Variants in PLEK observed in about 807,000 individuals in gnomAD.
The protein encoded by PLEK is platelet 47 kDa protein.
PLEK carries 25 observed loss-of-function variants against 43.9 expected under a neutral mutation model. The ratio of observed to expected loss-of-function variants is 0.57; its 90% CI spans 0.41 to 0.79. PLEK has a LOEUF of 0.79. PLEK is among the 30% of genes least tolerant of loss of function. PLEK has a pLI of 0.00. For synonymous variants in PLEK, 152 were observed against 144.4 expected (o/e 1.05, Z -0.38); for missense variants, 396 against 413.3 (o/e 0.96, Z 0.36).
At chr2:68,381,731 A>G (rs1337590926) in intron 3 of PLEK, among the ~76,000 whole-genome samples, 3 of 152,206 alleles carry the variant, frequency 2.0e-5, no homozygotes, top group Admixed American at 6.5e-5. Flanking sequence ...AAGACTTGGC[A>G]TGGCACAGGA....
intron 4 of PLEK, among the ~76,000 whole-genome samples, chr2:68,384,414 G>C (rs1370786181): frequency 6.6e-6 from 1 of 151,924 alleles, no homozygotes; most frequent in Non-Finnish European, 1.5e-5. Flanking sequence ...TAGTAGATTC[G>C]GGGTTTCACC....
chr2:68,377,776 A>T (rs1345337333), intron 1 of PLEK, among the ~76,000 whole-genome samples: 1 of 152,066 alleles, frequency 6.6e-6, no homozygotes, highest in African/African-American at 2.4e-5. Flanking sequence ...TTTTACCTTG[A>T]TGTGATCACA....
chr2:68,371,764 T>C (rs1260849271), intron 1 of PLEK, among the ~76,000 whole-genome samples: 1 of 151,206 alleles, frequency 6.6e-6, no homozygotes, highest in Non-Finnish European at 1.5e-5. Flanking sequence ...CTTTCGATCT[T>C]ACACTTCTCT....
chr2:68,387,545 C>A (rs1673770495), intron 5 of PLEK, among the ~76,000 whole-genome samples: 1 of 152,144 alleles, frequency 6.6e-6, no homozygotes, highest in Admixed American at 6.5e-5. Flanking sequence ...ATCTTGTGTA[C>A]CTCCCACAGT....
intron 1 of PLEK, among the ~76,000 whole-genome samples, chr2:68,374,163 C>T (rs1163868334): frequency 6.6e-6 from 1 of 152,152 alleles, no homozygotes; most frequent in East Asian, 1.9e-4. Context: ...CATCACGCTA[C>T]CTCACTCCAA....
intron 1 of PLEK, among the ~76,000 whole-genome samples, chr2:68,373,454 T>A (rs1252192836): frequency 6.6e-6 from 1 of 152,080 alleles, no homozygotes; most frequent in Non-Finnish European, 1.5e-5. Context: ...GTTGTTGTGC[T>A]GCACCCATTA....
At chr2:68,386,860 T>C (rs1673755318) in intron 5 of PLEK, among the ~76,000 whole-genome samples, 174 bp downstream of exon 5, 1 of 152,192 alleles carries the variant, frequency 6.6e-6, no homozygotes, top group Non-Finnish European at 1.5e-5. Context: ...GCTTCTGTTA[T>C]ACCAGCATTT....
chr2:68,374,375 C>T (rs1286227363), intron 1 of PLEK, among the ~76,000 whole-genome samples: 2 of 152,178 alleles, frequency 1.3e-5, no homozygotes, highest in Non-Finnish European at 2.9e-5. Context: ...CAATTCATTG[C>T]ATGAATATGC....
At chr2:68,391,366 A>C (rs1244758531) in intron 6 of PLEK, among the ~76,000 whole-genome samples, 2 of 152,210 alleles carry the variant, frequency 1.3e-5, no homozygotes. Context: ...TGTGTCTGTC[A>C]GTGAAGAGGA....
At position 68,377,914 on chromosome 2, in the gene PLEK, G is replaced by A. The variant is rs115049854; in HGVS notation, c.43-2414G>A. On this transcript the variant is annotated intron_variant, in intron 1 of 8. Transcript: ENST00000234313. ...TCATAATGTGATTTTAATTACCACC[G>A]TTCATTCCACAAATTATTGATTGAA... Among the ~76,000 whole-genome samples the A allele has an allele frequency of 2.4e-3, 364 of 152,190 alleles. 1 individual carries two copies. Among genetic ancestry groups the A allele is most frequent in the African/African-American group, 4.7e-3 (197 of 41,530 alleles).
intron 4 of PLEK, among the ~76,000 whole-genome samples, chr2:68,384,933 T>C (rs1673706784): frequency 6.6e-6 from 1 of 152,190 alleles, no homozygotes; most frequent in South Asian, 2.1e-4. Flanking sequence ...TAGTTTATCT[T>C]TGTAGAGAAA....
At chr2:68,369,879 C>T (rs1341414894) in intron 1 of PLEK, among the ~76,000 whole-genome samples, 4 of 152,182 alleles carry the variant, frequency 2.6e-5, no homozygotes, top group Non-Finnish European at 4.4e-5. Flanking sequence ...AATATGTTTT[C>T]ACTGATAAAT....
Position 68,389,704 on chromosome 2 carries a change from T to C in PLEK, c.762+1213T>C, listed in dbSNP as rs1054982338. Among the ~76,000 whole-genome samples, 16 of 152,322 alleles carry C rather than the reference T, an allele frequency of 1.1e-4. 1 individual carries two copies. The South Asian group carries it at 2.7e-3, about 26-fold the overall frequency. The stretch of plus-strand genomic sequence containing the variant: ...TTTATAAAGAATTCATGGACTATTA[T>C]AGTATTTTTTTATGACAGGGTGACC... On this transcript the variant is annotated intron_variant, in intron 6 of 8. Transcript: ENST00000234313.
intron 6 of PLEK, among the ~76,000 whole-genome samples, chr2:68,392,753 G>C (rs1673885561): frequency 6.6e-6 from 1 of 152,094 alleles, no homozygotes; most frequent in Non-Finnish European, 1.5e-5. Flanking sequence ...TAATGCCTTT[G>C]GAATCCATTA....
At chr2:68,388,575 T>A (rs1306245828) in intron 6 of PLEK, 84 bp downstream of exon 6, 1 of 737,208 alleles carries the variant, frequency 1.4e-6, no homozygotes, top group Admixed American at 2.0e-5. Flanking sequence ...ACTTTTGGTT[T>A]GTTTGGTTAA....
At chr2:68,392,621 G>T (rs1673883289) in intron 6 of PLEK, among the ~76,000 whole-genome samples, 1 of 152,104 alleles carries the variant, frequency 6.6e-6, no homozygotes, top group Non-Finnish European at 1.5e-5. Flanking sequence ...CTCTTGTGTT[G>T]TCAGTTGTCC....
intron 1 of PLEK, among the ~76,000 whole-genome samples, chr2:68,372,258 C>T (rs1673423570): frequency 1.3e-5 from 2 of 151,308 alleles, no homozygotes; most frequent in African/African-American, 4.9e-5. Flanking sequence ...ACTGCAATCT[C>T]CACCTCTTGG....
intron 5 of PLEK, 53 bp from the exon 6 acceptor site, chr2:68,388,334 T>C (rs1223274652): frequency 3.9e-6 from 4 of 1,023,886 alleles, no homozygotes; most frequent in Non-Finnish European, 6.2e-6. Context: ...ATGGCACAAG[T>C]TGCAATGTGC....
chr2:68,367,622 G>C (rs960712601), intron 1 of PLEK, among the ~76,000 whole-genome samples: 9 of 152,166 alleles, frequency 5.9e-5, no homozygotes, highest in African/African-American at 2.2e-4. Context: ...TATATGTCAA[G>C]AATCTGACAT....
Sources: gnomAD v4.1 joint callset for allele counts (sites outside exome capture counted in the v4.1 genomes callset) on GRCh38, gnomAD v4.1.1 for gene constraint, MANE v1.5 for transcripts, NCBI Gene and HGNC (gene_info 2026-07-23, HGNC 2026-07-21) for gene names.